The following FOXP1 variants were observed in gnomAD, a reference collection of about 807,000 sequenced individuals.
FOXP1 encodes the protein forkhead box P1, also known as forkhead box protein P1.
Under a neutral mutation model 98.2 loss-of-function variants are expected in FOXP1, and 15 were observed. That is an observed-to-expected ratio of 0.15 (90% confidence interval 0.10 to 0.24). The LOEUF is 0.24. Among genes scored for constraint, FOXP1 ranks in the 10% least tolerant of loss-of-function variants. The pLI is 1.00. For missense variants in FOXP1, 633 were observed against 848.5 expected (o/e 0.75, Z 3.15); for synonymous variants, 371 against 314.5 (o/e 1.18, Z -1.90).
intron 5 of FOXP1, among the ~76,000 whole-genome samples, chr3:71,260,291 C>A (rs928049794): frequency 6.6e-6 from 1 of 151,742 alleles, no homozygotes; most frequent in Non-Finnish European, 1.5e-5. Flanking sequence ...CCAACACTTT[C>A]TAATACGTAG....
At chr3:71,298,333 C>A (rs749378499) in intron 5 of FOXP1, among the ~76,000 whole-genome samples, 1 of 151,988 alleles carries the variant, frequency 6.6e-6, no homozygotes, top group Admixed American at 6.6e-5. Context: ...GGTATGATGG[C>A]GACTGCCTGT....
chr3:71,186,441 G>T (rs754330805), intron 6 of FOXP1, among the ~76,000 whole-genome samples: 1 of 152,220 alleles, frequency 6.6e-6, no homozygotes. Flanking sequence ...GGCCAGGTGC[G>T]GTGGCTCACG....
At chr3:71,302,813 C>T (rs570764484) in intron 4 of FOXP1, 1 of 152,112 alleles carries the variant, frequency 6.6e-6, no homozygotes, top group Non-Finnish European at 1.5e-5. Context: ...TACACAGTGA[C>T]CACAAAAACC....
chr3:71,486,932 G>C (rs62247170), intron 3 of FOXP1, among the ~76,000 whole-genome samples: 43,883 of 152,120 alleles, frequency 0.29, 6,663 homozygotes, highest in Non-Finnish European at 0.33. Context: ...TTGATAAGAA[G>C]TAAGATTAAT....
At chr3:71,206,132 T>C (rs1560114351) in intron 5 of FOXP1, among the ~76,000 whole-genome samples, 1 of 152,236 alleles carries the variant, frequency 6.6e-6, no homozygotes, top group Non-Finnish European at 1.5e-5. Flanking sequence ...AACAAGAATT[T>C]AACACATAAT....
intron 13 of FOXP1, among the ~76,000 whole-genome samples, chr3:70,991,916 T>C (rs1006113345): frequency 1.3e-5 from 2 of 152,194 alleles, no homozygotes; most frequent in East Asian, 1.9e-4. Context: ...ACTCAAATCA[T>C]AGGTCTTAGT....
At chr3:71,107,628 T>C (rs831441) in intron 7 of FOXP1, among the ~76,000 whole-genome samples, 147,835 of 152,128 alleles carry the variant, frequency 0.97, 71,863 homozygotes, top group South Asian at 0.99. Context: ...AGTTTGCTTC[T>C]CTCTCCTAAA....
At chr3:70,960,802 G>C (rs551243845) in intron 20 of FOXP1, among the ~76,000 whole-genome samples, 2 of 151,984 alleles carry the variant, frequency 1.3e-5, no homozygotes, top group African/African-American at 2.4e-5. Flanking sequence ...ACAGCCTAGA[G>C]AGCATTTAGG....
At chr3:71,423,040 A>G (rs769054759) in intron 3 of FOXP1, among the ~76,000 whole-genome samples, 13 of 152,070 alleles carry the variant, frequency 8.5e-5, no homozygotes, top group Non-Finnish European at 1.5e-4. Flanking sequence ...ACCCAGCCCA[A>G]TATCTGAGGC....
chr3:71,424,876 G>C (rs2083995219), intron 3 of FOXP1, among the ~76,000 whole-genome samples: 1 of 152,172 alleles, frequency 6.6e-6, no homozygotes, highest in Non-Finnish European at 1.5e-5. Flanking sequence ...GTCCAGCCTG[G>C]GGTGGGAGGA....
At chr3:71,023,976 T>C (rs952243752) in intron 11 of FOXP1, among the ~76,000 whole-genome samples, 50 of 152,172 alleles carry the variant, frequency 3.3e-4, no homozygotes, top group Non-Finnish European at 5.9e-4. Flanking sequence ...CTTAAATACT[T>C]AGCACCACTT....
At chr3:70,993,166 C>G (rs935767569) in intron 13 of FOXP1, among the ~76,000 whole-genome samples, 1 of 152,238 alleles carries the variant, frequency 6.6e-6, no homozygotes, top group Non-Finnish European at 1.5e-5. Flanking sequence ...TCTCCCTCTG[C>G]TACTGAAACT....
At chr3:71,260,833 C>T (rs923926561) in intron 5 of FOXP1, among the ~76,000 whole-genome samples, 11 of 152,070 alleles carry the variant, frequency 7.2e-5, no homozygotes, top group Admixed American at 6.6e-4. Context: ...TGAGCCCCCA[C>T]GCCCGGCCTA....
At chr3:71,422,851 T>C (rs1484457843) in intron 3 of FOXP1, among the ~76,000 whole-genome samples, 1 of 151,508 alleles carries the variant, frequency 6.6e-6, no homozygotes, top group Admixed American at 6.6e-5. Context: ...CATTTCTGGG[T>C]ACACACACAC....
chr3:71,281,001 C>T (rs2071478862), intron 5 of FOXP1, among the ~76,000 whole-genome samples: 1 of 145,198 alleles, frequency 6.9e-6, no homozygotes, highest in African/African-American at 2.6e-5. Context: ...AAGGACAGAT[C>T]CTACCAGCCT....
At position 71,032,595 on chromosome 3, in the gene FOXP1, A is replaced by G. The variant is rs139614592; in HGVS notation, c.869+8733T>C. On this transcript the variant is annotated intron_variant, in intron 11 of 20. Transcript: ENST00000649528. Reference sequence around the variant, plus strand: ...CAGGAATGCTGTACATATCTAACGCACTCATTTGCATTGCCCCAGTGAGCC... The same window carrying G: ...CAGGAATGCTGTACATATCTAACGCGCTCATTTGCATTGCCCCAGTGAGCC... Among the ~76,000 whole-genome samples the G allele has an allele frequency of 4.3e-3, 656 of 152,296 alleles. 4 individuals are homozygous for G. Among genetic ancestry groups the G allele is most frequent in the African/African-American group, 0.015 (610 of 41,548 alleles).
At chr3:71,502,690 A>T (rs1468001721) in intron 2 of FOXP1, among the ~76,000 whole-genome samples, 2 of 152,182 alleles carry the variant, frequency 1.3e-5, no homozygotes, top group Non-Finnish European at 2.9e-5. Context: ...TACTAAAAGG[A>T]AAACATTACA....
intron 5 of FOXP1, among the ~76,000 whole-genome samples, chr3:71,217,660 A>G (rs2065045032): frequency 1.3e-5 from 2 of 152,110 alleles, no homozygotes; most frequent in South Asian, 4.2e-4. Context: ...GAAGTGGCCA[A>G]GCTTGACAGA....
At chr3:71,196,797 A>G (rs1430080239) in intron 6 of FOXP1, among the ~76,000 whole-genome samples, 1 of 152,236 alleles carries the variant, frequency 6.6e-6, no homozygotes, top group East Asian at 1.9e-4. Flanking sequence ...CAAAGTTTAT[A>G]CACAACAAGC....
Sources: allele counts gnomAD v4.1 joint callset (sites outside exome capture counted in the v4.1 genomes callset), GRCh38; gene constraint gnomAD v4.1.1; transcripts MANE v1.5; gene names NCBI Gene and HGNC (gene_info 2026-07-23, HGNC 2026-07-21).